Variants in RORA observed in about 807,000 individuals in gnomAD.
RORA encodes the protein nuclear receptor ROR-alpha.
RORA carries 7 observed loss-of-function variants against 69.5 expected under a neutral mutation model. The observed-to-expected ratio is 0.10, with a 90% CI of 0.06 to 0.19. The LOEUF is 0.19. Among genes scored for constraint, RORA ranks in the 10% least tolerant of loss-of-function variants. The pLI is 1.00. For missense variants in RORA, 457 were observed against 663.0 expected, an observed-to-expected ratio of 0.69 and a Z score of 3.41; for synonymous variants, 261 against 240.8, an observed-to-expected ratio of 1.08 and a Z score of -0.78.
chr15:61,119,022 A>G (rs1225150329), intron 1 of RORA, among the ~76,000 whole-genome samples: 1 of 148,280 alleles, frequency 6.7e-6, no homozygotes, highest in Non-Finnish European at 1.5e-5. Flanking sequence ...TTTTTGGAAG[A>G]TGAACATGAG....
chr15:60,674,256 TGC>T (rs2070519330), intron 2 of RORA, among the ~76,000 whole-genome samples: 1 of 152,180 alleles, frequency 6.6e-6, no homozygotes, highest in Non-Finnish European at 1.5e-5. Flanking sequence ...AGTTTGGGGT[TGC>T]TAAGAGTCTA....
At chr15:60,843,240 G>C (rs891302884) in intron 1 of RORA, among the ~76,000 whole-genome samples, 1 of 152,140 alleles carries the variant, frequency 6.6e-6, no homozygotes, top group African/African-American at 2.4e-5. Context: ...ATGTTAAGCA[G>C]AGACGCTCCC....
intron 1 of RORA, among the ~76,000 whole-genome samples, chr15:60,987,507 A>G (rs1435393228): frequency 6.6e-6 from 1 of 152,198 alleles, no homozygotes; most frequent in Non-Finnish European, 1.5e-5. Context: ...GGGGTGCTCA[A>G]AAATGGTAAG....
chr15:60,614,582 C>T (rs548207217), intron 2 of RORA, among the ~76,000 whole-genome samples: 1 of 152,202 alleles, frequency 6.6e-6, no homozygotes, highest in South Asian at 2.1e-4. Flanking sequence ...GACAATCTGG[C>T]TTATAAAGAC....
chr15:60,666,346 C>CTTTTT (rs1161494532), intron 2 of RORA, among the ~76,000 whole-genome samples: 29 of 132,414 alleles, frequency 2.2e-4, no homozygotes, highest in African/African-American at 7.8e-4. Context: ...TAATTTCTTT[C>CTTTTT]TTTTTTTTTT....
Position 61,068,266 on chromosome 15 carries a change from C to CA in RORA, c.166+160786dup, listed in dbSNP as rs2078292266. ...AGAAAGATTCAGAAGTTTCACTACA[C>CA]AAAACGTATAGAGAAGTGTTAAACT... is the stretch of plus-strand genomic sequence containing the variant. On this transcript the variant is annotated intron_variant, in intron 1 of 10. Transcript: ENST00000335670. Among the ~76,000 whole-genome samples the CA allele has an allele frequency of 5.3e-5, 8 of 152,178 alleles. No homozygotes were observed. The South Asian group carries it at 1.7e-3, about 32-fold the overall frequency.
At chr15:60,657,633 C>T (rs187778229) in intron 2 of RORA, among the ~76,000 whole-genome samples, 75 of 152,330 alleles carry the variant, frequency 4.9e-4, no homozygotes, top group African/African-American at 1.7e-3. Flanking sequence ...AAGTACTTCC[C>T]TGTGTTCACC....
intron 2 of RORA, among the ~76,000 whole-genome samples, chr15:60,591,296 G>A (rs188178583): frequency 2.0e-5 from 3 of 150,810 alleles, no homozygotes; most frequent in Admixed American, 6.6e-5. Context: ...GCACAAGCGG[G>A]CGGCGGGCGG....
At chr15:60,935,111 A>T (rs1248540274) in intron 1 of RORA, among the ~76,000 whole-genome samples, 1 of 152,260 alleles carries the variant, frequency 6.6e-6, no homozygotes, top group Non-Finnish European at 1.5e-5. Flanking sequence ...ATGAATAAAA[A>T]GATGCTCACA....
chr15:60,544,688 T>TC (rs898068930), intron 2 of RORA: 1 of 152,144 alleles, frequency 6.6e-6, no homozygotes, highest in Non-Finnish European at 1.5e-5. Flanking sequence ...TATTTTTTTT[T>TC]CCCCTCTCTT....
At chr15:61,143,044 G>A (rs369948513) in intron 1 of RORA, among the ~76,000 whole-genome samples, 2 of 152,084 alleles carry the variant, frequency 1.3e-5, no homozygotes, top group East Asian at 1.9e-4. Context: ...ATTAGAAAGA[G>A]ACAAAATTAT....
intron 2 of RORA, among the ~76,000 whole-genome samples, chr15:60,574,144 G>C (rs1445727733): frequency 2.0e-5 from 3 of 152,192 alleles, no homozygotes; most frequent in African/African-American, 7.2e-5. Flanking sequence ...GCCCAGCCCT[G>C]CGAGTCTGGC....
intron 1 of RORA, among the ~76,000 whole-genome samples, chr15:60,917,677 T>C (rs1891919379): frequency 6.6e-6 from 1 of 152,242 alleles, no homozygotes; most frequent in Non-Finnish European, 1.5e-5. Flanking sequence ...CTGGTCAGTG[T>C]ACTCTTGGCT....
rs1455950210 is a variant in RORA, at chr15:60,537,667, C to T, written c.197-5816G>A. 1.3e-5 allele frequency among the ~76,000 whole-genome samples: 2 copies of T among 152,158 alleles called. No homozygotes were observed. Among genetic ancestry groups the T allele is most frequent in the African/African-American group, 4.8e-5 (2 of 41,418 alleles). On this transcript the variant is annotated intron_variant, in intron 2 of 10. Transcript: ENST00000335670. This position sits in a 1 kb window ranked among gnomAD's most constrained non-coding sequence, Gnocchi z 4.9. ...AATGGCCATCAGGGATGAGTAGAGC[C>T]GAGTTATAGCTGCATCCTATGCAAA...
At chr15:60,557,169 C>G (rs1009356413) in intron 2 of RORA, among the ~76,000 whole-genome samples, 1 of 152,338 alleles carries the variant, frequency 6.6e-6, no homozygotes, top group Non-Finnish European at 1.5e-5. Context: ...TTTCTGCCAC[C>G]TGTAGTACTC....
chr15:60,727,896 T>C (rs2071381750), intron 1 of RORA, among the ~76,000 whole-genome samples: 1 of 152,084 alleles, frequency 6.6e-6, no homozygotes, highest in Non-Finnish European at 1.5e-5. Context: ...GGTATTCGTC[T>C]CCTCTGAATG....
intron 1 of RORA, among the ~76,000 whole-genome samples, chr15:60,782,547 C>T (rs2140340029): frequency 6.6e-6 from 1 of 152,246 alleles, no homozygotes; most frequent in Middle Eastern, 3.4e-3. Flanking sequence ...ATTTTTTTAA[C>T]TGCAAAGGCG....
intron 2 of RORA, among the ~76,000 whole-genome samples, chr15:60,584,479 A>G (rs1202115106): frequency 6.6e-6 from 1 of 152,240 alleles, no homozygotes; most frequent in Admixed American, 6.5e-5. Context: ...TGTAAGTCCA[A>G]CAGCCATAAA....
chr15:60,567,073 C>A (rs2067733297), intron 2 of RORA, among the ~76,000 whole-genome samples: 4 of 152,100 alleles, frequency 2.6e-5, no homozygotes, highest in Admixed American at 2.6e-4. Flanking sequence ...CAAAGATGAA[C>A]TAGCCAAAAC....
Sources: allele counts gnomAD v4.1 joint callset (sites outside exome capture counted in the v4.1 genomes callset), GRCh38; gene constraint gnomAD v4.1.1; non-coding constraint Gnocchi (gnomAD v3.1); transcripts MANE v1.5; gene names NCBI Gene and HGNC (gene_info 2026-07-23, HGNC 2026-07-21).